The following CHRM3 variants were observed in gnomAD, a reference collection of about 807,000 sequenced individuals.
The protein encoded by CHRM3 is muscarinic acetylcholine receptor M3.
A neutral mutation model predicts 41.8 loss-of-function variants in CHRM3; 11 were observed. That is an observed-to-expected ratio of 0.26 (90% CI 0.17 to 0.44). CHRM3 has a LOEUF of 0.44. Ranked by LOEUF, CHRM3 falls within the 20% of genes least tolerant of loss-of-function variation. The pLI, the probability that CHRM3 is intolerant of heterozygous loss-of-function variation, is 1.00. For synonymous variants in CHRM3, 297 were observed against 301.4 expected, an observed-to-expected ratio of 0.99 and a Z score of 0.15; for missense variants, 571 against 745.4, an observed-to-expected ratio of 0.77 and a Z score of 2.72.
intron 3 of CHRM3, among the ~76,000 whole-genome samples, chr1:239,575,076 A>G (rs1429592060): frequency 6.6e-6 from 1 of 152,232 alleles, no homozygotes; most frequent in Non-Finnish European, 1.5e-5. Context: ...ATATGTTGGT[A>G]GAGAAACTTT....
At chr1:239,540,025 A>G (rs182175110) in intron 2 of CHRM3, among the ~76,000 whole-genome samples, 1 of 152,310 alleles carries the variant, frequency 6.6e-6, no homozygotes, top group East Asian at 1.9e-4. Context: ...TGTGCTGTAT[A>G]GAAAGCCTAG....
chr1:239,831,790 G>A (rs971102773), intron 6 of CHRM3, among the ~76,000 whole-genome samples: 1 of 152,158 alleles, frequency 6.6e-6, no homozygotes, highest in African/African-American at 2.4e-5. Flanking sequence ...AATACCATTG[G>A]CTAAGTGTCC....
chr1:239,631,157 T>C (rs1669780624), intron 3 of CHRM3, among the ~76,000 whole-genome samples: 1 of 152,224 alleles, frequency 6.6e-6, no homozygotes, highest in Non-Finnish European at 1.5e-5. Flanking sequence ...CCATATCCTT[T>C]GCATATTAAT....
chr1:239,428,477 G>A (rs1662570088), intron 1 of CHRM3, among the ~76,000 whole-genome samples: 1 of 152,166 alleles, frequency 6.6e-6, no homozygotes, highest in Admixed American at 6.5e-5. Context: ...GGAAATGTCA[G>A]GGGAACAACC....
intron 5 of CHRM3, among the ~76,000 whole-genome samples, chr1:239,814,277 G>A (rs950625664): frequency 1.2e-4 from 18 of 152,094 alleles, no homozygotes; most frequent in Admixed American, 1.3e-4. Flanking sequence ...GCTCGTGGGA[G>A]ATGTTTGATT....
At chr1:239,469,923 C>T (rs1666001986) in intron 1 of CHRM3, among the ~76,000 whole-genome samples, 1 of 152,160 alleles carries the variant, frequency 6.6e-6, no homozygotes, top group Non-Finnish European at 1.5e-5. Flanking sequence ...ATTTCCCTGA[C>T]TTACTGCCTA....
At chr1:239,808,373 G>A (rs1171617139) in intron 5 of CHRM3, among the ~76,000 whole-genome samples, 1 of 152,138 alleles carries the variant, frequency 6.6e-6, no homozygotes, top group Non-Finnish European at 1.5e-5. Flanking sequence ...AACAGAGAAG[G>A]TGGAGATTCA....
At position 239,907,117 on chromosome 1, in the gene CHRM3, A is replaced by T. The variant is rs1680028148; in HGVS notation, c.-19-316A>T. On this transcript the variant is annotated intron_variant, in intron 6 of 6. Transcript: ENST00000676153. The surrounding 1 kb of genome is among the most constrained non-coding windows in gnomAD (Gnocchi z 5.4). Reference sequence around the variant, plus strand: ...GAAATGTCTGATATTTTTCACCTTTACAAAATAAGAGAAGTAAGGGCGATT... The same window carrying T: ...GAAATGTCTGATATTTTTCACCTTTTCAAAATAAGAGAAGTAAGGGCGATT... 6.6e-6 allele frequency among the ~76,000 whole-genome samples: 1 copy of T among 152,230 alleles called. No individual in the cohort carries two copies. Among genetic ancestry groups the T allele is most frequent in the Admixed American group, 6.5e-5 (1 of 15,282 alleles).
intron 6 of CHRM3, among the ~76,000 whole-genome samples, chr1:239,858,667 C>T (rs1044777897): frequency 3.3e-5 from 5 of 151,974 alleles, no homozygotes; most frequent in African/African-American, 1.2e-4. Context: ...GCATTTAATT[C>T]ATTCAGTGTT....
chr1:239,639,733 C>T (rs112254595), intron 4 of CHRM3, among the ~76,000 whole-genome samples: 7 of 151,528 alleles, frequency 4.6e-5, no homozygotes, highest in Non-Finnish European at 7.4e-5. Flanking sequence ...ACTTCCTCTT[C>T]TCCTAATTGA....
At chr1:239,722,999 A>C (rs1016057469) in intron 5 of CHRM3, among the ~76,000 whole-genome samples, 7 of 151,956 alleles carry the variant, frequency 4.6e-5, no homozygotes, top group Admixed American at 3.9e-4. Context: ...GTTGATGCAT[A>C]TATTGTACCT....
chr1:239,602,622 A>C (rs1665740757), intron 3 of CHRM3, among the ~76,000 whole-genome samples: 1 of 151,978 alleles, frequency 6.6e-6, no homozygotes, highest in African/African-American at 2.4e-5. Flanking sequence ...GAAACACTTT[A>C]CTAAGCATCT....
intron 3 of CHRM3, among the ~76,000 whole-genome samples, chr1:239,595,013 C>T (rs922002759): frequency 1.4e-4 from 22 of 152,308 alleles, no homozygotes; most frequent in African/African-American, 4.3e-4. Context: ...CGCTTGAACC[C>T]GGCAGGTGGA....
chr1:239,446,960 TTAAAA>T (rs1181260801), intron 1 of CHRM3, among the ~76,000 whole-genome samples: 3 of 152,194 alleles, frequency 2.0e-5, no homozygotes, highest in South Asian at 2.1e-4. Context: ...TTTAAAATAG[TTAAAA>T]TAATGATATT....
chr1:239,706,046 ATTG>A (rs1032259573), intron 5 of CHRM3, among the ~76,000 whole-genome samples: 14 of 149,826 alleles, frequency 9.3e-5, no homozygotes, highest in African/African-American at 1.2e-4. Flanking sequence ...ATTATTTTAA[ATTG>A]TTTTTTATAA....
intron 1 of CHRM3, among the ~76,000 whole-genome samples, chr1:239,410,236 A>G (rs1166023829): frequency 6.6e-6 from 1 of 152,068 alleles, no homozygotes; most frequent in Non-Finnish European, 1.5e-5. Flanking sequence ...CTCCAACCAT[A>G]ATTTTTCCTC....
intron 2 of CHRM3, among the ~76,000 whole-genome samples, chr1:239,511,781 G>A (rs1226986743): frequency 6.6e-6 from 1 of 152,144 alleles, no homozygotes; most frequent in Non-Finnish European, 1.5e-5. Flanking sequence ...ATGTTTCACG[G>A]GAAATTGAGA....
intron 4 of CHRM3, among the ~76,000 whole-genome samples, chr1:239,661,410 A>T (rs1484954210): frequency 3.9e-5 from 6 of 152,186 alleles, no homozygotes; most frequent in Admixed American, 3.9e-4. Context: ...CTGTGTTCAC[A>T]TCCAGTTTTT....
chr1:239,547,129 A>G (rs187558875), intron 3 of CHRM3, among the ~76,000 whole-genome samples: 254 of 152,322 alleles, frequency 1.7e-3, no homozygotes, highest in Non-Finnish European at 2.1e-3. Context: ...TGTTACATGA[A>G]TAAAATTTTT....
Sources: allele counts gnomAD v4.1 joint callset (sites outside exome capture counted in the v4.1 genomes callset), GRCh38; gene constraint gnomAD v4.1.1; non-coding constraint Gnocchi (gnomAD v3.1); transcripts MANE v1.5; gene names NCBI Gene and HGNC (gene_info 2026-07-23, HGNC 2026-07-21).